OSBPL11: variants seen among roughly 807,000 people sequenced by gnomAD.
OSBPL11 encodes the protein oxysterol-binding protein-related protein 11.
OSBPL11 carries 33 observed loss-of-function variants against 84.4 expected under a neutral mutation model. That is an observed-to-expected ratio of 0.39 (90% CI 0.30 to 0.52). OSBPL11 has a LOEUF of 0.52. Ranked by LOEUF, OSBPL11 falls within the 20% of genes least tolerant of loss-of-function variation. The pLI is 0.72. For synonymous variants in OSBPL11, 276 were observed against 310.2 expected (o/e 0.89, Z 1.16); for missense variants, 736 against 901.1 (o/e 0.82, Z 2.35).
At chr3:125,586,815 A>G (rs555221805) in intron 1 of OSBPL11, among the ~76,000 whole-genome samples, 1 of 152,256 alleles carries the variant, frequency 6.6e-6, no homozygotes, top group East Asian at 1.9e-4. Flanking sequence ...GTGCCCGGCA[A>G]TATACTTATT....
intron 5 of OSBPL11, among the ~76,000 whole-genome samples, chr3:125,570,757 C>T (rs568850776): frequency 2.1e-4 from 32 of 152,310 alleles, no homozygotes; most frequent in African/African-American, 7.7e-4. Flanking sequence ...TCCTTGACTT[C>T]CGCCATGACT....
chr3:125,538,369 C>T, intron 11 of OSBPL11, 82 bp downstream of exon 11: 2 of 1,372,076 alleles, frequency 1.5e-6, no homozygotes, highest in Non-Finnish European at 2.0e-6. Context: ...GTGACTTGGC[C>T]AAGGTCACCA....
intron 1 of OSBPL11, among the ~76,000 whole-genome samples, chr3:125,584,491 C>T (rs1269168978): frequency 6.6e-6 from 1 of 152,214 alleles, no homozygotes; most frequent in East Asian, 1.9e-4. Context: ...AGTATACAAC[C>T]TAAATATTTT....
chr3:125,593,706 C>T (rs1436794059), intron 1 of OSBPL11, among the ~76,000 whole-genome samples: 3 of 151,964 alleles, frequency 2.0e-5, no homozygotes, highest in Admixed American at 1.3e-4. Flanking sequence ...GAATATTATT[C>T]ATGATAAATG....
At chr3:125,584,234 C>T (rs925126626) in intron 1 of OSBPL11, among the ~76,000 whole-genome samples, 1 of 151,964 alleles carries the variant, frequency 6.6e-6, no homozygotes, top group Non-Finnish European at 1.5e-5. Context: ...GGTGTGGTGG[C>T]ACGTGCCTGT....
intron 1 of OSBPL11, among the ~76,000 whole-genome samples, chr3:125,590,127 G>A (rs965175166): frequency 2.0e-5 from 3 of 152,210 alleles, no homozygotes; most frequent in African/African-American, 7.2e-5. Context: ...GAAAAAGGAA[G>A]GAAAGACCCA....
At chr3:125,584,469 G>C (rs909296121) in intron 1 of OSBPL11, among the ~76,000 whole-genome samples, 1 of 152,176 alleles carries the variant, frequency 6.6e-6, no homozygotes, top group African/African-American at 2.4e-5. Context: ...CAATCCATAA[G>C]AGGTTTGAGG....
At chr3:125,535,626 A>G (rs1935630931) in intron 11 of OSBPL11, among the ~76,000 whole-genome samples, 1 of 151,312 alleles carries the variant, frequency 6.6e-6, no homozygotes, top group African/African-American at 2.4e-5. Flanking sequence ...TATTTTTAGT[A>G]GAGATGCCTG....
chr3:125,546,140 A>C (rs559414495), intron 10 of OSBPL11, among the ~76,000 whole-genome samples: 42 of 149,610 alleles, frequency 2.8e-4, no homozygotes, highest in African/African-American at 8.1e-4. Context: ...AAAAAAAAAG[A>C]ATAGGAAAGT....
At chr3:125,537,156 T>C (rs1196819777) in intron 11 of OSBPL11, among the ~76,000 whole-genome samples, 1 of 113,192 alleles carries the variant, frequency 8.8e-6, no homozygotes, top group Non-Finnish European at 1.7e-5. Context: ...TGAGACCCTG[T>C]CTCAAAAAAA....
At chr3:125,592,784 T>C (rs988629519) in intron 1 of OSBPL11, among the ~76,000 whole-genome samples, 1 of 151,540 alleles carries the variant, frequency 6.6e-6, no homozygotes, top group African/African-American at 2.4e-5. Context: ...TATTAAGACC[T>C]AACAGGAAAT....
intron 7 of OSBPL11, 32 bp downstream of exon 7, chr3:125,563,666 C>T (rs755690947): frequency 6.2e-7 from 1 of 1,607,476 alleles, no homozygotes; most frequent in Admixed American, 1.7e-5. Context: ...CCTAATTTTT[C>T]ACATCAAAAT....
intron 1 of OSBPL11, among the ~76,000 whole-genome samples, chr3:125,585,769 T>C (rs1936500166): frequency 6.6e-6 from 1 of 152,202 alleles, no homozygotes; most frequent in Non-Finnish European, 1.5e-5. Flanking sequence ...TCCCAAGAAA[T>C]AGCCACTATC....
chr3:125,532,816 AATGTGATAT>A (rs1935580951), intron 11 of OSBPL11, among the ~76,000 whole-genome samples: 1 of 48,918 alleles, frequency 2.0e-5, no homozygotes, highest in South Asian at 5.6e-4. Context: ...GGATAGGCAA[AATGTGATAT>A]ATCCATACAG....
rs1311569154 is a variant in OSBPL11 at position 125,542,460 on chromosome 3, C to T, written c.1842-3827G>A. On this transcript the variant is annotated intron_variant, in intron 10 of 12. Coordinates refer to ENST00000296220, the MANE Select transcript of OSBPL11 (RefSeq NM_022776.5). The stretch of plus-strand genomic sequence containing the variant: ...AAGCGATACTCCTGCCTCAGCCTCC[C>T]GAGTAGCTGGGATTATAGGCATGTG... Among the ~76,000 whole-genome samples the T allele has an allele frequency of 4.6e-5, 7 of 151,602 alleles. No homozygotes were observed. In the East Asian group the frequency reaches 5.8e-4, roughly 13 times the overall value.
chr3:125,539,568 G>A (rs1431283026), intron 10 of OSBPL11, among the ~76,000 whole-genome samples: 2 of 151,774 alleles, frequency 1.3e-5, no homozygotes, highest in Non-Finnish European at 2.9e-5. Flanking sequence ...AGCCTCCCAA[G>A]TAGCTGGAGT....
At chr3:125,565,674 A>G (rs1366078071) in intron 6 of OSBPL11, among the ~76,000 whole-genome samples, 1 of 152,202 alleles carries the variant, frequency 6.6e-6, no homozygotes, top group Non-Finnish European at 1.5e-5. Flanking sequence ...TTGACTCTAC[A>G]GTATTTTCTA....
chr3:125,580,225 A>G (rs1936401808), intron 2 of OSBPL11, among the ~76,000 whole-genome samples, 185 bp from the exon 3 acceptor site: 1 of 152,194 alleles, frequency 6.6e-6, no homozygotes, highest in African/African-American at 2.4e-5. Context: ...TAAAAATCGA[A>G]TGAGTTAGGC....
At position 125,594,639 on chromosome 3, in the gene OSBPL11, G is replaced by A. The variant is rs375354991; in HGVS notation, c.162C>T (p.Tyr54=). 5.6e-6 allele frequency: 9 copies of A among 1,613,070 alleles called. No individual in the cohort carries two copies. In the East Asian group the frequency reaches 1.8e-4, roughly 32 times the overall value. Residue 54 remains tyrosine (Y), a splice_region_variant and synonymous_variant, in exon 1 of 13, where the codon TAC becomes TAT. Coordinates refer to ENST00000296220, the MANE Select transcript of OSBPL11 (RefSeq NM_022776.5). ...TAATTTTGGAGAAAGGAGCATACCT[G>A]TACTGCCAGCCTTTTGCACTGCCAC... is the stretch of plus-strand genomic sequence containing the variant. ...SRGGSAKGWQ[Y]SDHMENVYGY... is the part of the protein sequence containing the mutation.
Sources: gnomAD v4.1 joint callset for allele counts (sites outside exome capture counted in the v4.1 genomes callset) on GRCh38, gnomAD v4.1.1 for gene constraint, MANE v1.5 for transcripts, NCBI Gene and HGNC (gene_info 2026-07-23, HGNC 2026-07-21) for gene names.